The following FRZB variants were observed in gnomAD, a reference collection of about 807,000 sequenced individuals.
FRZB encodes frizzled related protein, also known as secreted frizzled-related protein 3.
Under a neutral mutation model 32.5 loss-of-function variants are expected in FRZB, and 34 were observed. The observed-to-expected ratio is 1.05, with a 90% CI of 0.80 to 1.39. FRZB has a LOEUF of 1.39. FRZB is among the 40% of genes most tolerant of loss of function. The pLI, the probability that FRZB is intolerant of heterozygous loss-of-function variation, is 0.00. For synonymous variants in FRZB, 170 were observed against 159.2 expected, an observed-to-expected ratio of 1.07 and a Z score of -0.51; for missense variants, 423 against 424.8, an observed-to-expected ratio of 1.00 and a Z score of 0.04.
At chr2:182,843,055 C>A (rs1444318274) in intron 2 of FRZB, among the ~76,000 whole-genome samples, 1 of 152,142 alleles carries the variant, frequency 6.6e-6, no homozygotes, top group Non-Finnish European at 1.5e-5. Flanking sequence ...ACCCAGTGAA[C>A]TTGGTGAAGT....
In FRZB at chr2:182,858,852, A is replaced by G. The variant is rs1387552167; in HGVS notation, c.479-19T>C. The stretch of plus-strand genomic sequence containing the variant: ...GGAAAATCTGAAAGGAGGTGACAGA[A>G]AAAAGAACTATAACATATCTATTTC... On this transcript the variant is annotated intron_variant, in intron 1 of 5. Coordinates refer to ENST00000295113, the MANE Select transcript of FRZB (RefSeq NM_001463.4). 6.3e-7 allele frequency: 1 copy of G among 1,592,284 alleles called. No homozygotes were observed. The highest frequency in any genetic ancestry group is 8.6e-7 in the Non-Finnish European group (1 of 1,162,210).
intron 5 of FRZB, 52 bp downstream of exon 5, chr2:182,837,896 T>G: frequency 7.1e-7 from 1 of 1,412,742 alleles, no homozygotes; most frequent in Non-Finnish European, 9.9e-7. Flanking sequence ...GCTGGTTTTC[T>G]ACTTTTGTTT....
chr2:182,835,102 T>C, intron 5 of FRZB, 137 bp from the exon 6 acceptor site: 1 of 662,686 alleles, frequency 1.5e-6, no homozygotes, highest in Non-Finnish European at 2.7e-6. Flanking sequence ...ATCAATCTAT[T>C]TCCCAGGGTA....
In FRZB at chr2:182,849,921, C is replaced by T. The variant is rs539072533; in HGVS notation, c.527-7378G>A. On this transcript the variant is annotated intron_variant, in intron 2 of 5. Coordinates refer to ENST00000295113, the MANE Select transcript of FRZB (RefSeq NM_001463.4). ...TTCTGAAGTGTTGTTTTGAGATAGA[C>T]TCTAAGGAAGTCAATTAACAAAAAG... 5.3e-5 allele frequency among the ~76,000 whole-genome samples: 8 copies of T among 152,250 alleles called. No individual in the cohort carries two copies. The South Asian group carries it at 1.7e-3, about 32-fold the overall frequency.
intron 2 of FRZB, among the ~76,000 whole-genome samples, chr2:182,849,154 G>T (rs892708623): frequency 2.2e-4 from 33 of 152,032 alleles, no homozygotes; most frequent in Non-Finnish European, 4.0e-4. Flanking sequence ...GTGAACCCGG[G>T]GGGTGGAGCT....
chr2:182,865,465 G>A (rs1364531602), intron 1 of FRZB, among the ~76,000 whole-genome samples: 1 of 152,132 alleles, frequency 6.6e-6, no homozygotes, highest in African/African-American at 2.4e-5. Flanking sequence ...TTGAAAGGAG[G>A]GGGAAATTTA....
intron 1 of FRZB, among the ~76,000 whole-genome samples, chr2:182,864,343 T>A (rs1190045887): frequency 6.6e-6 from 1 of 152,200 alleles, no homozygotes; most frequent in Non-Finnish European, 1.5e-5. Context: ...GCCACCTCAT[T>A]CCTAGCCCTT....
At position 182,858,952 on chromosome 2, in the gene FRZB, T is replaced by C. The variant is rs79821413; in HGVS notation, c.479-119A>G. On this transcript the variant is annotated intron_variant, in intron 1 of 5. Coordinates refer to ENST00000295113, the MANE Select transcript of FRZB (RefSeq NM_001463.4). ...TAAGAATCCAATTGTCTGAAGGAAG[T>C]AGATTTTTATTAACGTCATGAGGTC... is the stretch of plus-strand genomic sequence containing the variant. The C allele has an allele frequency of 5.4e-4, 436 of 806,160 alleles. 4 individuals are homozygous for C. In the East Asian group the frequency reaches 1.0e-2, roughly 18 times the overall value. The allele number at this position is 806,160 out of a possible 1,614,324, so 49.9% of individuals were successfully genotyped here.
chr2:182,855,359 C>T lies in FRZB; in HGVS notation c.526+3427G>A, dbSNP rs189076880. Among the ~76,000 whole-genome samples the T allele has an allele frequency of 3.3e-3, 506 of 152,144 alleles. 3 individuals are homozygous for T. The highest frequency in any genetic ancestry group is 0.012 in the African/African-American group (481 of 41,492). ...CAATTAGGTGACACAGATGACTTTA[C>T]GGTAGCTATGATTAAAATGCCTCAC... On this transcript the variant is annotated intron_variant, in intron 2 of 5. Transcript: ENST00000295113.
chr2:182,856,349 A>G (rs1695769419), intron 2 of FRZB, among the ~76,000 whole-genome samples: 1 of 152,040 alleles, frequency 6.6e-6, no homozygotes, highest in South Asian at 2.1e-4. Context: ...ATATATATAT[A>G]TCTCACATAC....
intron 3 of FRZB, 86 bp downstream of exon 3, chr2:182,842,392 C>G: frequency 1.1e-6 from 1 of 925,264 alleles, no homozygotes; most frequent in Non-Finnish European, 1.7e-6. Context: ...TGGCTCCACT[C>G]GTTTACATGT....
intron 3 of FRZB, among the ~76,000 whole-genome samples, chr2:182,840,838 T>A (rs1247294557): frequency 6.6e-6 from 1 of 152,224 alleles, no homozygotes; most frequent in South Asian, 2.1e-4. Flanking sequence ...GACTTGTCAT[T>A]CAATTTTTAA....
chr2:182,842,088 T>G (rs773823447), intron 3 of FRZB, among the ~76,000 whole-genome samples: 1 of 152,158 alleles, frequency 6.6e-6, no homozygotes, highest in Admixed American at 6.5e-5. Flanking sequence ...TTTTAACAGT[T>G]CCTTATGCAT....
At chr2:182,849,281 TTCTTTA>T (rs1695684836) in intron 2 of FRZB, among the ~76,000 whole-genome samples, 1 of 149,840 alleles carries the variant, frequency 6.7e-6, no homozygotes, top group Admixed American at 6.6e-5. Context: ...TAAATAAATG[TTCTTTA>T]TCTTGATCTG....
At chr2:182,848,647 T>C (rs1695673618) in intron 2 of FRZB, among the ~76,000 whole-genome samples, 1 of 152,154 alleles carries the variant, frequency 6.6e-6, no homozygotes, top group South Asian at 2.1e-4. Context: ...GCACAACTCC[T>C]GCAGATTCAG....
chr2:182,843,190 A>C (rs1695604410), intron 2 of FRZB, among the ~76,000 whole-genome samples: 1 of 152,194 alleles, frequency 6.6e-6, no homozygotes, highest in Non-Finnish European at 1.5e-5. Flanking sequence ...TTTTTTAACA[A>C]TATTTGGTGA....
At chr2:182,860,694 C>T (rs1217053323) in intron 1 of FRZB, among the ~76,000 whole-genome samples, 2 of 151,944 alleles carry the variant, frequency 1.3e-5, no homozygotes, top group Non-Finnish European at 2.9e-5. Flanking sequence ...TGGCGAAAAC[C>T]CATCTCTAAC....
intron 3 of FRZB, among the ~76,000 whole-genome samples, chr2:182,841,333 A>C (rs1472164933): frequency 1.3e-5 from 2 of 152,160 alleles, no homozygotes; most frequent in Non-Finnish European, 2.9e-5. Context: ...ATTTTGAAAG[A>C]TATTGAAGCT....
At chr2:182,848,088 A>C (rs1029585082) in intron 2 of FRZB, among the ~76,000 whole-genome samples, 1 of 143,776 alleles carries the variant, frequency 7.0e-6, no homozygotes, top group Non-Finnish European at 1.5e-5. Context: ...AAAAAAAAAA[A>C]CAGCAGTGAT....
Sources: allele counts gnomAD v4.1 joint callset (sites outside exome capture counted in the v4.1 genomes callset), GRCh38; gene constraint gnomAD v4.1.1; transcripts MANE v1.5; gene names NCBI Gene and HGNC (gene_info 2026-07-23, HGNC 2026-07-21).